The following SH3BGRL2 variants were observed in gnomAD, a reference collection of about 807,000 sequenced individuals.
SH3BGRL2 encodes the protein SH3 domain binding glutamate rich protein like 2.
In SH3BGRL2, 21 loss-of-function variants were observed where a neutral mutation model predicts 14.8. The observed-to-expected ratio is 1.42, with a 90% confidence interval of 1.01 to 2.05. The LOEUF (loss-of-function observed/expected upper bound fraction) is 2.05, where lower values mean the gene tolerates loss of function less well. SH3BGRL2 is among the 30% of genes most tolerant of loss of function. The pLI, the probability that SH3BGRL2 is intolerant of heterozygous loss-of-function variation, is 0.00. For missense variants in SH3BGRL2, 147 were observed against 130.8 expected (o/e 1.12, Z -0.61); for synonymous variants, 50 against 47.8 (o/e 1.05, Z -0.19).
chr6:79,692,873 G>GT (rs1770253376), intron 2 of SH3BGRL2, among the ~76,000 whole-genome samples: 1 of 152,182 alleles, frequency 6.6e-6, no homozygotes, highest in Non-Finnish European at 1.5e-5. Context: ...CTTTAAAGTA[G>GT]TTTTTTCCAA....
intron 2 of SH3BGRL2, among the ~76,000 whole-genome samples, chr6:79,674,407 T>A (rs1769839876): frequency 6.6e-6 from 1 of 152,182 alleles, no homozygotes; most frequent in African/African-American, 2.4e-5. Context: ...AAAAAGTCAC[T>A]TTCATCTATT....
chr6:79,669,049 G>A (rs1274073180), intron 1 of SH3BGRL2, among the ~76,000 whole-genome samples: 1 of 152,120 alleles, frequency 6.6e-6, no homozygotes. Flanking sequence ...AGTTTGAATA[G>A]TTTCTCTTGA....
At chr6:79,538,715 A>G in the SH3BGRL2 span, among the ~76,000 whole-genome samples, 1 of 152,216 alleles carries the variant, frequency 6.6e-6, no homozygotes, top group East Asian at 1.9e-4. Flanking sequence ...ACGTGGACAA[A>G]TGTCTGTCAC....
chr6:79,685,898 C>A (rs1319162555), intron 2 of SH3BGRL2, among the ~76,000 whole-genome samples: 1 of 152,128 alleles, frequency 6.6e-6, no homozygotes, highest in East Asian at 1.9e-4. Context: ...AGAGAAATAA[C>A]TTTTCCGTCT....
At chr6:79,667,404 T>C (rs1028827259) in intron 1 of SH3BGRL2, among the ~76,000 whole-genome samples, 4 of 151,976 alleles carry the variant, frequency 2.6e-5, no homozygotes, top group Non-Finnish European at 5.9e-5. Context: ...GGAGCAACCT[T>C]TAGGCTGAAC....
At chr6:79,547,123 G>A in the SH3BGRL2 span, among the ~76,000 whole-genome samples, 3 of 152,086 alleles carry the variant, frequency 2.0e-5, no homozygotes, top group Non-Finnish European at 4.4e-5. Flanking sequence ...GATGGGAGTA[G>A]GAAAACCACT....
chr6:79,541,982 C>A, the SH3BGRL2 span, among the ~76,000 whole-genome samples: 6 of 152,266 alleles, frequency 3.9e-5, no homozygotes, highest in South Asian at 1.2e-3. Context: ...AGCACCCCTC[C>A]CCTCCAAAGA....
At chr6:79,580,116 C>T in the SH3BGRL2 span, among the ~76,000 whole-genome samples, 1 of 152,296 alleles carries the variant, frequency 6.6e-6, no homozygotes, top group African/African-American at 2.4e-5. Flanking sequence ...AATATATATG[C>T]AGCCGATACA....
intron 1 of SH3BGRL2, among the ~76,000 whole-genome samples, chr6:79,672,235 A>T (rs754423887): frequency 7.2e-5 from 11 of 152,140 alleles, no homozygotes; most frequent in Non-Finnish European, 1.5e-4. Flanking sequence ...TTGAATATTA[A>T]CACATTTATT....
the SH3BGRL2 span, among the ~76,000 whole-genome samples, chr6:79,619,335 T>C: frequency 1.3e-5 from 2 of 152,272 alleles, no homozygotes; most frequent in Non-Finnish European, 2.9e-5. Flanking sequence ...TGTTTTTTTT[T>C]CCTCACTAAC....
the SH3BGRL2 span, among the ~76,000 whole-genome samples, chr6:79,590,113 C>T: frequency 6.6e-6 from 1 of 151,836 alleles, no homozygotes; most frequent in Non-Finnish European, 1.5e-5. Context: ...ATCTGCAAAA[C>T]CAGTCAGAAT....
chr6:79,567,574 T>A, the SH3BGRL2 span, among the ~76,000 whole-genome samples: 1 of 152,228 alleles, frequency 6.6e-6, no homozygotes, highest in Admixed American at 6.5e-5. Flanking sequence ...AAACAGTGCC[T>A]GGAAAATTCA....
At chr6:79,540,452 T>G in the SH3BGRL2 span, among the ~76,000 whole-genome samples, 1 of 151,616 alleles carries the variant, frequency 6.6e-6, no homozygotes, top group Non-Finnish European at 1.5e-5. Context: ...AATAAATAAA[T>G]AAATAAAATA....
the SH3BGRL2 span, among the ~76,000 whole-genome samples, chr6:79,568,925 T>A: frequency 6.6e-6 from 1 of 152,154 alleles, no homozygotes; most frequent in Non-Finnish European, 1.5e-5. Flanking sequence ...TATGTGTCAA[T>A]GGAAAGAGTC....
intron 1 of SH3BGRL2, among the ~76,000 whole-genome samples, chr6:79,645,735 G>A (rs1318337149): frequency 1.3e-5 from 2 of 152,154 alleles, no homozygotes; most frequent in African/African-American, 2.4e-5. Flanking sequence ...AGTTTTAAAT[G>A]GTTATTAGTT....
At chr6:79,608,079 C>A in the SH3BGRL2 span, among the ~76,000 whole-genome samples, 1 of 152,266 alleles carries the variant, frequency 6.6e-6, no homozygotes, top group Non-Finnish European at 1.5e-5. Context: ...TCTTACATGG[C>A]AGGAACAGGA....
At chr6:79,578,168 T>C in the SH3BGRL2 span, among the ~76,000 whole-genome samples, 1 of 152,260 alleles carries the variant, frequency 6.6e-6, no homozygotes, top group Non-Finnish European at 1.5e-5. Context: ...CTGCTGCCTC[T>C]AGACTGCACC....
At chr6:79,593,273 C>G in the SH3BGRL2 span, among the ~76,000 whole-genome samples, 9 of 152,126 alleles carry the variant, frequency 5.9e-5, no homozygotes, top group African/African-American at 2.2e-4. Context: ...TAAGAACTAT[C>G]TTTTATGGTA....
At chr6:79,595,825 A>G in the SH3BGRL2 span, among the ~76,000 whole-genome samples, 3 of 152,226 alleles carry the variant, frequency 2.0e-5, no homozygotes, top group African/African-American at 7.2e-5. Flanking sequence ...TAGCTAGGTC[A>G]ATTAGGCAAG....
Sources: gnomAD v4.1 joint callset for allele counts (sites outside exome capture counted in the v4.1 genomes callset) on GRCh38, gnomAD v4.1.1 for gene constraint, MANE v1.5 for transcripts, NCBI Gene and HGNC (gene_info 2026-07-23, HGNC 2026-07-21) for gene names.